LIMK2: variants seen among roughly 807,000 people sequenced by gnomAD.
LIMK2 encodes the protein LIM domain kinase 2.
Under a neutral mutation model 75.7 loss-of-function variants are expected in LIMK2, and 35 were observed. That is an observed-to-expected ratio of 0.46 (90% CI 0.35 to 0.61). The LOEUF (loss-of-function observed/expected upper bound fraction) is 0.61. LIMK2 is among the 20% of genes least tolerant of loss of function. The pLI, the probability that LIMK2 is intolerant of heterozygous loss-of-function variation, is 0.00. For synonymous variants in LIMK2, 301 were observed against 319.2 expected, an observed-to-expected ratio of 0.94 and a Z score of 0.61; for missense variants, 623 against 831.0, an observed-to-expected ratio of 0.75 and a Z score of 3.08.
chr22:31,237,753 G>C (rs774495421), intron 2 of LIMK2, among the ~76,000 whole-genome samples: 3 of 151,958 alleles, frequency 2.0e-5, no homozygotes, highest in Non-Finnish European at 2.9e-5. Context: ...GTGTGAATTG[G>C]TGATTGTCGC....
intron 2 of LIMK2, among the ~76,000 whole-genome samples, chr22:31,244,645 TG>T (rs1223670325): frequency 6.6e-6 from 1 of 152,210 alleles, no homozygotes; most frequent in Non-Finnish European, 1.5e-5. Flanking sequence ...ATGTTGATGC[TG>T]GGAGCTATTT....
chr22:31,269,218 G>A (rs1002411420), intron 11 of LIMK2, among the ~76,000 whole-genome samples: 2 of 151,122 alleles, frequency 1.3e-5, no homozygotes, highest in African/African-American at 4.9e-5. Flanking sequence ...CAATCCTCCT[G>A]CCTTAGCCTC....
At chr22:31,232,291 A>G (rs1047864318) in intron 2 of LIMK2, among the ~76,000 whole-genome samples, 13 of 152,102 alleles carry the variant, frequency 8.5e-5, no homozygotes, top group Non-Finnish European at 2.9e-5. Context: ...GAGACAGAAA[A>G]TCTGATTTGA....
chr22:31,264,355 C>T (rs2048870519), intron 7 of LIMK2, among the ~76,000 whole-genome samples: 1 of 152,182 alleles, frequency 6.6e-6, no homozygotes, highest in African/African-American at 2.4e-5. Flanking sequence ...AGCCAAGAGC[C>T]ATCCAGCGTC....
At chr22:31,231,606 A>G (rs1196498181) in intron 2 of LIMK2, among the ~76,000 whole-genome samples, 2 of 152,206 alleles carry the variant, frequency 1.3e-5, no homozygotes, top group Non-Finnish European at 2.9e-5. Context: ...CCTAGGATGT[A>G]GCAGCAGCAT....
intron 2 of LIMK2, among the ~76,000 whole-genome samples, chr22:31,228,021 C>CGTGCGTGTGT (rs2048494011): frequency 1.4e-5 from 2 of 147,534 alleles, no homozygotes; most frequent in East Asian, 4.0e-4. Flanking sequence ...TCTGTGCGTG[C>CGTGCGTGTGT]GTGTGTGTGT....
At chr22:31,268,352 G>T in intron 11 of LIMK2, 152 bp downstream of exon 11, 1 of 721,176 alleles carries the variant, frequency 1.4e-6, no homozygotes, top group South Asian at 1.5e-5. Flanking sequence ...CACTGAAACT[G>T]ACCCCAGCCA....
intron 2 of LIMK2, among the ~76,000 whole-genome samples, chr22:31,254,593 G>T (rs1371281363): frequency 6.6e-6 from 1 of 152,210 alleles, no homozygotes; most frequent in Non-Finnish European, 1.5e-5. Context: ...AAGGCAGGAG[G>T]CAAGAAGGAA....
chr22:31,248,592 G>T, intron 2 of LIMK2: 1 of 1,608,560 alleles, frequency 6.2e-7, no homozygotes, highest in South Asian at 1.1e-5. Context: ...GGTGAGCTCA[G>T]GGCAGCCTGC....
At chr22:31,261,759 T>C (rs2048841951) in intron 5 of LIMK2, among the ~76,000 whole-genome samples, 2 of 151,796 alleles carry the variant, frequency 1.3e-5, no homozygotes, top group Admixed American at 6.6e-5. Flanking sequence ...CAGAGTAAGA[T>C]GCCATCTCAA....
At chr22:31,245,427 G>A (rs1356276336) in intron 2 of LIMK2, among the ~76,000 whole-genome samples, 3 of 152,044 alleles carry the variant, frequency 2.0e-5, no homozygotes, top group Non-Finnish European at 4.4e-5. Context: ...TCAGCCTCTC[G>A]AGTAGCTGGG....
At chr22:31,221,536 A>T (rs897592709) in intron 1 of LIMK2, among the ~76,000 whole-genome samples, 3 of 152,090 alleles carry the variant, frequency 2.0e-5, no homozygotes, top group Admixed American at 2.0e-4. Context: ...CCAAGCTGGA[A>T]TGCAGTGGAA....
At chr22:31,266,363 G>A (rs1256509534) in intron 8 of LIMK2, among the ~76,000 whole-genome samples, 1 of 152,170 alleles carries the variant, frequency 6.6e-6, no homozygotes, top group Non-Finnish European at 1.5e-5. Flanking sequence ...GGGTTGAGCT[G>A]TGCCTGTGGC....
Position 31,262,377 on chromosome 22 carries a change from C to A in LIMK2, c.657+138C>A. ...CATTGAGCCTGTGACCACTGGTGAC[C>A]TATTTCAGCGTAACAGGTTCCCAGG... On this transcript the variant is annotated intron_variant, in intron 6 of 15. Transcript: ENST00000331728. This position sits in a 1 kb window ranked among gnomAD's most constrained non-coding sequence, Gnocchi z 5.0. 1.2e-6 allele frequency: 1 copy of A among 828,764 alleles called. No individual in the cohort carries two copies. Among genetic ancestry groups the A allele is most frequent in the Non-Finnish European group, 2.0e-6 (1 of 506,934 alleles). 51.3% of individuals were successfully genotyped at this position (828,764 alleles called of 1,614,324 possible).
Position 31,212,369 on chromosome 22 carries a change from T to C in LIMK2, c.-40T>C. 7.5e-7 allele frequency: 1 copy of C among 1,332,926 alleles called. No individual in the cohort carries two copies. The highest frequency in any genetic ancestry group is 2.7e-5 in the South Asian group (1 of 37,354). The allele number at this position is 1,332,926 out of a possible 1,614,324, so 82.6% of individuals were successfully genotyped here. ...TAGGGAACTGAGGGGAGCTGCTGTG[T>C]CCCCCGCCTCCTCCTCCCCATTTCC... On this transcript the variant is annotated 5_prime_UTR_variant, in exon 1 of 16. Coordinates refer to ENST00000331728, the MANE Select transcript of LIMK2 (RefSeq NM_005569.4).
At chr22:31,269,713 G>T (rs1265764388) in intron 11 of LIMK2, among the ~76,000 whole-genome samples, 1 of 151,592 alleles carries the variant, frequency 6.6e-6, no homozygotes, top group Non-Finnish European at 1.5e-5. Flanking sequence ...GGCAGAAGTT[G>T]CAGTGAGCCA....
intron 15 of LIMK2, chr22:31,277,287 C>G: frequency 6.8e-7 from 1 of 1,478,974 alleles, no homozygotes; most frequent in South Asian, 1.4e-5. Context: ...GTCTCTTCCC[C>G]TGCCCCCTCA....
intron 12 of LIMK2, among the ~76,000 whole-genome samples, chr22:31,272,020 C>T (rs1206343612): frequency 6.6e-6 from 1 of 152,162 alleles, no homozygotes; most frequent in African/African-American, 2.4e-5. Context: ...AGATACCAGA[C>T]CCTCAGAAAC....
chr22:31,213,122 C>T (rs1474773141), intron 1 of LIMK2, among the ~76,000 whole-genome samples: 2 of 152,094 alleles, frequency 1.3e-5, no homozygotes, highest in African/African-American at 4.8e-5. Flanking sequence ...GGTTCTGAGT[C>T]CTCCTGTGGA....
Sources: allele counts gnomAD v4.1 joint callset (sites outside exome capture counted in the v4.1 genomes callset), GRCh38; gene constraint gnomAD v4.1.1; non-coding constraint Gnocchi (gnomAD v3.1); transcripts MANE v1.5; gene names NCBI Gene and HGNC (gene_info 2026-07-23, HGNC 2026-07-21).